Variants in ASXL2 observed in about 807,000 individuals in gnomAD.
The protein encoded by ASXL2 is ASXL transcriptional regulator 2.
In ASXL2, 23 loss-of-function variants were observed where a neutral mutation model predicts 122.0. The observed-to-expected ratio is 0.19, with a 90% CI of 0.14 to 0.27. The LOEUF is 0.27. ASXL2 is among the 10% of genes least tolerant of loss of function. ASXL2 has a pLI of 1.00. For synonymous variants in ASXL2, 650 were observed against 637.0 expected, an observed-to-expected ratio of 1.02 and a Z score of -0.31; for missense variants, 1,518 against 1,713.8, an observed-to-expected ratio of 0.89 and a Z score of 2.02.
chr2:25,753,737 C>T, intron 10 of ASXL2, 98 bp from the exon 11 acceptor site: 1 of 905,288 alleles, frequency 1.1e-6, no homozygotes, highest in Non-Finnish European at 1.7e-6. Context: ...AATTGGAATA[C>T]TACCATGTGA....
In ASXL2 at chr2:25,737,743, A is replaced by C. The variant is rs1185908938; in HGVS notation, c.*4286T>G. ...ATAAAATGAAAAATAAGAATATAGG[A>C]ATACATACAATCTATATACATATAT... On this transcript the variant is annotated 3_prime_UTR_variant, in exon 13 of 13. Transcript: ENST00000435504. 6.6e-6 allele frequency: 1 copy of C among 152,218 alleles called. No individual in the cohort carries two copies. Among genetic ancestry groups the C allele is most frequent in the Non-Finnish European group, 1.5e-5 (1 of 68,042 alleles). 9.4% of individuals were successfully genotyped at this position (152,218 alleles called of 1,614,324 possible).
chr2:25,814,037 G>A (rs189638326), intron 3 of ASXL2, among the ~76,000 whole-genome samples: 11 of 151,966 alleles, frequency 7.2e-5, no homozygotes, highest in South Asian at 2.1e-4. Context: ...GCGACAGAGC[G>A]AGACTCCGTC....
intron 2 of ASXL2, among the ~76,000 whole-genome samples, chr2:25,842,132 A>AAAAG (rs2089590116): frequency 2.6e-5 from 4 of 151,954 alleles, no homozygotes; most frequent in Admixed American, 2.6e-4. Context: ...AGAAAAAAAA[A>AAAAG]AAAGAAAAGA....
chr2:25,799,309 G>A, intron 5 of ASXL2, 76 bp downstream of exon 5: 1 of 1,597,598 alleles, frequency 6.3e-7, no homozygotes, highest in Non-Finnish European at 8.6e-7. Flanking sequence ...CCTGGAGTCT[G>A]GGAAAAGAGG....
At chr2:25,846,180 A>C (rs1417435682) in intron 1 of ASXL2, among the ~76,000 whole-genome samples, 2 of 152,338 alleles carry the variant, frequency 1.3e-5, no homozygotes, top group East Asian at 3.9e-4. Flanking sequence ...GGTCTGAGGC[A>C]CAGTAAAGAG....
At position 25,742,255 on chromosome 2, in the gene ASXL2, G is replaced by A; in HGVS notation, c.4082C>T (p.Ser1361Leu). Residue 1361 changes from serine to leucine, a missense_variant, in exon 13 of 13, where the codon TCA (serine) becomes TTA (leucine). Coordinates refer to ENST00000435504, the MANE Select transcript of ASXL2 (RefSeq NM_018263.6). ...AGCAGGGATGGTAGTGACAGTCACT[G>A]AAAATGACATGACATCACCTACATT... is the stretch of plus-strand genomic sequence containing the variant. ...SSNVGDVMSF[S>L]VTVTTIPASQ... 1 of 1,613,980 alleles carries A rather than the reference G, an allele frequency of 6.2e-7. No individual in the cohort carries two copies. The highest frequency in any genetic ancestry group is 8.5e-7 in the Non-Finnish European group (1 of 1,179,898).
chr2:25,783,904 A>C (rs2088691171), intron 5 of ASXL2, among the ~76,000 whole-genome samples: 1 of 152,016 alleles, frequency 6.6e-6, no homozygotes. Flanking sequence ...AAATACAAAA[A>C]TTAGTCGGGC....
rs980355596 is a variant in ASXL2, at chr2:25,742,755, T to C, written c.3582A>G (p.Thr1194=). ...GGGAAACCTGGGGCTCCTCTTTCAC[T>C]GTGACAGATTCCTGCTCATCACCAG... The part of the protein sequence containing the change: ...ESTGDEQESV[T]VKEEPQVSQS... Residue 1194 remains threonine, a synonymous_variant, in exon 13 of 13, where the codon ACA becomes ACG. Coordinates refer to ENST00000435504, the MANE Select transcript of ASXL2 (RefSeq NM_018263.6). The C allele has an allele frequency of 6.2e-7, 1 of 1,614,006 alleles. No homozygotes were observed. The highest frequency in any genetic ancestry group is 8.5e-7 in the Non-Finnish European group (1 of 1,179,890).
intron 3 of ASXL2, among the ~76,000 whole-genome samples, chr2:25,817,473 CA>C (rs2149179807): frequency 6.6e-6 from 1 of 152,178 alleles, no homozygotes; most frequent in South Asian, 2.1e-4. Context: ...ATGCAATAAA[CA>C]ATGGTTATTC....
intron 3 of ASXL2, among the ~76,000 whole-genome samples, chr2:25,809,199 G>C (rs1055251798): frequency 6.6e-6 from 1 of 151,916 alleles, no homozygotes; most frequent in African/African-American, 2.4e-5. Context: ...CAACATAAGG[G>C]GCACATGATC....
intron 6 of ASXL2, among the ~76,000 whole-genome samples, chr2:25,771,222 A>G (rs1331297178): frequency 6.6e-6 from 1 of 152,178 alleles, no homozygotes; most frequent in South Asian, 2.1e-4. Flanking sequence ...GGCAACTGAG[A>G]CTCTGTCTCA....
In ASXL2 at chr2:25,733,863, A is replaced by G. The variant is rs2087687190; in HGVS notation, c.*8166T>C. The G allele has an allele frequency of 1.3e-5, 2 of 152,334 alleles. 1 individual carries two copies. Among genetic ancestry groups the G allele is most frequent in the Non-Finnish European group, 2.9e-5 (2 of 68,036 alleles). The allele number at this position is 152,334 out of a possible 1,614,324, so 9.4% of individuals were successfully genotyped here. A position where few individuals can be genotyped will look rare whatever the true frequency, so the allele number is the denominator to read the frequency against. On this transcript the variant is annotated 3_prime_UTR_variant, in exon 13 of 13. Transcript: ENST00000435504. ...CGAAGAAGGTTGTTTTTATACGACC[A>G]ATGAAACAGCCTAAAAGTGACAGGA... is the stretch of plus-strand genomic sequence containing the variant.
chr2:25,820,747 T>C (rs1257107963), intron 3 of ASXL2, among the ~76,000 whole-genome samples: 1 of 152,146 alleles, frequency 6.6e-6, no homozygotes, highest in Non-Finnish European at 1.5e-5. Flanking sequence ...GTTTCTGGCC[T>C]GGTGTGGTGA....
chr2:25,830,604 C>T (rs533226936), intron 3 of ASXL2, among the ~76,000 whole-genome samples: 23 of 144,048 alleles, frequency 1.6e-4, no homozygotes, highest in African/African-American at 4.9e-4. Context: ...CCAGCCTGGG[C>T]GACGGAGCAA....
At chr2:25,775,911 C>T (rs1376662241) in intron 5 of ASXL2, among the ~76,000 whole-genome samples, 1 of 152,138 alleles carries the variant, frequency 6.6e-6, no homozygotes, top group East Asian at 1.9e-4. Flanking sequence ...TATCTTAAGA[C>T]CACAAAGATG....
At chr2:25,811,326 A>G (rs1444099589) in intron 3 of ASXL2, among the ~76,000 whole-genome samples, 1 of 151,970 alleles carries the variant, frequency 6.6e-6, no homozygotes, top group East Asian at 1.9e-4. Context: ...AGCTTTCCAC[A>G]AAAGAGAAAA....
chr2:25,851,845 C>T (rs573038746), intron 1 of ASXL2, among the ~76,000 whole-genome samples: 6 of 152,062 alleles, frequency 3.9e-5, no homozygotes, highest in African/African-American at 7.2e-5. Context: ...GAGCCGAGAT[C>T]GTGCCACTGG....
intron 5 of ASXL2, among the ~76,000 whole-genome samples, chr2:25,784,356 G>A (rs2088704353): frequency 2.6e-5 from 4 of 152,160 alleles, no homozygotes; most frequent in Admixed American, 2.6e-4. Context: ...TAATTAAAAT[G>A]TTAACAGAAA....
At chr2:25,855,043 G>A (rs771367818) in intron 1 of ASXL2, among the ~76,000 whole-genome samples, 3 of 152,148 alleles carry the variant, frequency 2.0e-5, no homozygotes, top group Non-Finnish European at 4.4e-5. Context: ...CTCACACACT[G>A]CCAGCATGCC....
Sources: gnomAD v4.1 joint callset for allele counts (sites outside exome capture counted in the v4.1 genomes callset) on GRCh38, gnomAD v4.1.1 for gene constraint, MANE v1.5 for transcripts, NCBI Gene and HGNC (gene_info 2026-07-23, HGNC 2026-07-21) for gene names.